Variants in SPATA17 observed in about 807,000 individuals in gnomAD.
SPATA17 encodes spermatogenesis-associated protein 17.
In SPATA17, 53 loss-of-function variants were observed where a neutral mutation model predicts 62.2. That is an observed-to-expected ratio of 0.85 (90% CI 0.68 to 1.07). SPATA17 has a LOEUF of 1.07. SPATA17 is among the 50% of genes least tolerant of loss of function. The probability of loss-of-function intolerance (pLI) is 0.00; values close to 1 mark genes in which losing one functional copy is unlikely to be tolerated. For missense variants in SPATA17, 466 were observed against 425.5 expected, an observed-to-expected ratio of 1.10 and a Z score of -0.84; for synonymous variants, 146 against 146.8, an observed-to-expected ratio of 0.99 and a Z score of 0.04.
At chr1:217,777,086 C>T (rs1312313601) in intron 7 of SPATA17, among the ~76,000 whole-genome samples, 2 of 152,170 alleles carry the variant, frequency 1.3e-5, no homozygotes, top group Non-Finnish European at 2.9e-5. Context: ...CCTTTTATAC[C>T]CTCAACCATT....
At chr1:217,694,393 C>G (rs1358273356) in intron 5 of SPATA17, among the ~76,000 whole-genome samples, 6 of 147,422 alleles carry the variant, frequency 4.1e-5, no homozygotes, top group Non-Finnish European at 8.9e-5. Context: ...TGTCTCTTCA[C>G]GTGAGATGGG....
chr1:217,688,506 T>G (rs1297418471), intron 5 of SPATA17, among the ~76,000 whole-genome samples: 3 of 152,240 alleles, frequency 2.0e-5, no homozygotes, highest in Admixed American at 1.3e-4. Context: ...CAACTCTCCC[T>G]GTTGCTTTTA....
At chr1:217,717,619 T>G in intron 5 of SPATA17, among the ~76,000 whole-genome samples, 1 of 152,052 alleles carries the variant, frequency 6.6e-6, no homozygotes, top group East Asian at 1.9e-4. Flanking sequence ...AAAATAATAA[T>G]AATAAGTAAT....
Position 217,694,473 on chromosome 1 carries a change from G to C in SPATA17, c.395+11112G>C, listed in dbSNP as rs1165738092. Reference sequence around the variant, plus strand: ...CTTGCCAGTCTGTGTCTTTTAATTGGAGAATTTAGTCCATTTACATTTAAA... The same window carrying C: ...CTTGCCAGTCTGTGTCTTTTAATTGCAGAATTTAGTCCATTTACATTTAAA... On this transcript the variant is annotated intron_variant, in intron 5 of 10. Transcript: ENST00000366933. Among the ~76,000 whole-genome samples, 116 of 139,172 alleles carry C rather than the reference G, an allele frequency of 8.3e-4. 1 individual carries two copies. In the Middle Eastern group the frequency reaches 0.015, roughly 18 times the overall value. 91.3% of individuals were successfully genotyped at this position (139,172 alleles called of 152,430 possible).
chr1:217,718,129 A>G (rs1672049448), intron 5 of SPATA17, among the ~76,000 whole-genome samples: 1 of 152,228 alleles, frequency 6.6e-6, no homozygotes, highest in Admixed American at 6.5e-5. Context: ...GCTGACATCT[A>G]AGCATTAAAG....
chr1:217,698,707 ATTTAC>A (rs1290558684), intron 5 of SPATA17, among the ~76,000 whole-genome samples: 1 of 152,040 alleles, frequency 6.6e-6, no homozygotes, highest in Non-Finnish European at 1.5e-5. Context: ...GTTTTCCCAA[ATTTAC>A]TTTGTGTGTG....
chr1:217,680,126 A>T (rs1021445027), intron 4 of SPATA17, among the ~76,000 whole-genome samples: 1 of 152,206 alleles, frequency 6.6e-6, no homozygotes, highest in African/African-American at 2.4e-5. Flanking sequence ...CTGATGACGG[A>T]TTTCCTGTCA....
Position 217,774,501 on chromosome 1 carries a change from T to G in SPATA17, c.687T>G (p.Ser229=). 6.2e-7 allele frequency: 1 copy of G among 1,614,008 alleles called. No homozygotes were observed. Among genetic ancestry groups the G allele is most frequent in the Non-Finnish European group, 8.5e-7 (1 of 1,179,906 alleles). The stretch of plus-strand genomic sequence containing the variant: ...CAAGCGCCCGTTCTTTTCCTCGGTC[T>G]GAAATTCTACCACCTATTAATAGAA... The part of the protein sequence containing the change: ...ACTSARSFPR[S]EILPPINRKQ... Residue 229 remains serine (S), a synonymous_variant, in exon 7 of 11, where the codon TCT becomes TCG. Coordinates refer to ENST00000366933, the MANE Select transcript of SPATA17 (RefSeq NM_138796.4).
intron 5 of SPATA17, among the ~76,000 whole-genome samples, chr1:217,727,839 T>A (rs963959189): frequency 6.6e-6 from 1 of 152,194 alleles, no homozygotes; most frequent in Non-Finnish European, 1.5e-5. Context: ...TAGTTTCGTA[T>A]CCTTAGTCAA....
At position 217,723,202 on chromosome 1, in the gene SPATA17, C is replaced by T. The variant is rs1022935550; in HGVS notation, c.396-18773C>T. On this transcript the variant is annotated intron_variant, in intron 5 of 10. Coordinates refer to ENST00000366933, the MANE Select transcript of SPATA17 (RefSeq NM_138796.4). ...TCCTGCCAGCAAATATCAACTGAGACCATTCCAATTTATCTTATGAAAGGG... is the reference window on the plus strand; with the variant it reads ...TCCTGCCAGCAAATATCAACTGAGATCATTCCAATTTATCTTATGAAAGGG... Among the ~76,000 whole-genome samples the T allele has an allele frequency of 4.6e-5, 7 of 152,140 alleles. No individual in the cohort carries two copies. The East Asian group carries it at 1.3e-3, about 29-fold the overall frequency.
Position 217,648,725 on chromosome 1 carries a change from G to T in SPATA17, c.69-157G>T, listed in dbSNP as rs138719936. Among the ~76,000 whole-genome samples the T allele has an allele frequency of 3.9e-5, 6 of 152,208 alleles. No homozygotes were observed. The East Asian group carries it at 1.2e-3, about 29-fold the overall frequency. ...TTTCAAAACATAGCTCATGATTTTT[G>T]AAATGCCTTATTTATTTATACTTTA... On this transcript the variant is annotated intron_variant, in intron 1 of 10. Coordinates refer to ENST00000366933, the MANE Select transcript of SPATA17 (RefSeq NM_138796.4).
chr1:217,719,152 C>T (rs373356716), intron 5 of SPATA17, among the ~76,000 whole-genome samples: 10 of 152,364 alleles, frequency 6.6e-5, no homozygotes, highest in Admixed American at 2.0e-4. Flanking sequence ...ATATTGTCCT[C>T]TGCAGTGGCC....
rs74144447 is a variant in SPATA17 at position 217,781,443 on chromosome 1, C to T, written c.724-731C>T. Among the ~76,000 whole-genome samples the T allele has an allele frequency of 7.3e-3, 1,109 of 152,144 alleles. 12 individuals are homozygous for T. Among genetic ancestry groups the T allele is most frequent in the African/African-American group, 0.025 (1,055 of 41,508 alleles). On this transcript the variant is annotated intron_variant, in intron 7 of 10. Transcript: ENST00000366933. ...CCTTTGATTTGTATTGTGCCTAATACGATACTAATTAGACAACCAGTGGAT... is the reference window on the plus strand; with the variant it reads ...CCTTTGATTTGTATTGTGCCTAATATGATACTAATTAGACAACCAGTGGAT...
intron 3 of SPATA17, among the ~76,000 whole-genome samples, chr1:217,667,418 C>T (rs1670724764): frequency 6.6e-6 from 1 of 151,998 alleles, no homozygotes; most frequent in South Asian, 2.1e-4. Context: ...ACTGATAATC[C>T]CTTTCATAAT....
chr1:217,850,593 G>T, intron 9 of SPATA17: 2 of 1,596,442 alleles, frequency 1.3e-6, no homozygotes, highest in Non-Finnish European at 1.7e-6. Context: ...CACTTCAAGG[G>T]TGATGGTCTT....
rs146935290 is a variant in SPATA17 at position 217,734,622 on chromosome 1, T to A, written c.396-7353T>A. Among the ~76,000 whole-genome samples, 1,145 of 152,318 alleles carry A rather than the reference T, an allele frequency of 7.5e-3. 9 individuals are homozygous for A. Among genetic ancestry groups the A allele is most frequent in the Non-Finnish European group, 0.011 (725 of 68,030 alleles). On this transcript the variant is annotated intron_variant, in intron 5 of 10. Transcript: ENST00000366933. ...CATTTCGTTAGAATTTTATTTTTTC[T>A]TAAAGATGGTGCAGATGATGGCATT...
At chr1:217,866,865 G>C (rs1676025630) in intron 10 of SPATA17, 157 bp from the exon 11 acceptor site, 1 of 128,554 alleles carries the variant, frequency 7.8e-6, no homozygotes, top group East Asian at 2.2e-4. Flanking sequence ...TCATTTTACT[G>C]TTTTGTTTTT....
intron 9 of SPATA17, among the ~76,000 whole-genome samples, chr1:217,807,859 T>C (rs1408612010): frequency 6.6e-6 from 1 of 152,232 alleles, no homozygotes; most frequent in African/African-American, 2.4e-5. Flanking sequence ...TTGTTTCTTG[T>C]AGGGAGAAAA....
chr1:217,831,954 T>C (rs985606556), intron 9 of SPATA17, among the ~76,000 whole-genome samples: 5 of 152,204 alleles, frequency 3.3e-5, no homozygotes, highest in African/African-American at 1.2e-4. Flanking sequence ...AAGGTTAACA[T>C]TTTCTTGAAA....
Sources: gnomAD v4.1 joint callset for allele counts (sites outside exome capture counted in the v4.1 genomes callset) on GRCh38, gnomAD v4.1.1 for gene constraint, MANE v1.5 for transcripts, NCBI Gene and HGNC (gene_info 2026-07-23, HGNC 2026-07-21) for gene names.